PTPRK: variants seen among roughly 807,000 people sequenced by gnomAD.
PTPRK encodes receptor-type tyrosine-protein phosphatase kappa.
PTPRK carries 75 observed loss-of-function variants against 178.0 expected under a neutral mutation model. The ratio of observed to expected loss-of-function variants is 0.42; its 90% CI spans 0.35 to 0.51. PTPRK has a LOEUF of 0.51. Ranked by LOEUF, PTPRK falls within the 20% of genes least tolerant of loss-of-function variation. PTPRK has a pLI of 0.02. For synonymous variants in PTPRK, 637 were observed against 620.6 expected (o/e 1.03, Z -0.39); for missense variants, 1,441 against 1,797.8 (o/e 0.80, Z 3.59).
chr6:128,108,099 C>CAT, intron 7 of PTPRK, among the ~76,000 whole-genome samples: 1 of 151,704 alleles, frequency 6.6e-6, no homozygotes, highest in Admixed American at 6.6e-5. Context: ...CACACACACA[C>CAT]ACACACACAC....
chr6:127,984,795 G>A (rs1775749968), intron 22 of PTPRK, among the ~76,000 whole-genome samples: 4 of 152,090 alleles, frequency 2.6e-5, no homozygotes, highest in African/African-American at 7.2e-5. Flanking sequence ...TCCCAGAGTT[G>A]GAGACAGGAA....
chr6:128,104,315 C>T (rs528571916), intron 7 of PTPRK, among the ~76,000 whole-genome samples: 149 of 152,294 alleles, frequency 9.8e-4, no homozygotes, highest in African/African-American at 3.4e-3. Context: ...CAAGCTCCAC[C>T]TCCCAGGTTC....
chr6:128,036,300 T>G (rs1415351528), intron 13 of PTPRK, among the ~76,000 whole-genome samples: 1 of 152,162 alleles, frequency 6.6e-6, no homozygotes, highest in Non-Finnish European at 1.5e-5. Flanking sequence ...CCAGGAGATG[T>G]TTTAGAGACA....
intron 6 of PTPRK, among the ~76,000 whole-genome samples, chr6:128,195,867 T>C (rs1393842897): frequency 6.6e-6 from 1 of 152,118 alleles, no homozygotes; most frequent in Non-Finnish European, 1.5e-5. Flanking sequence ...TCTCAATATA[T>C]ATTTATTCAG....
intron 1 of PTPRK, among the ~76,000 whole-genome samples, chr6:128,469,317 C>T (rs1850304823): frequency 6.6e-6 from 1 of 152,168 alleles, no homozygotes; most frequent in African/African-American, 2.4e-5. Context: ...AGAGAGCATG[C>T]TTGATGCACT....
At chr6:128,231,154 C>A (rs1437747308) in intron 5 of PTPRK, among the ~76,000 whole-genome samples, 3 of 152,096 alleles carry the variant, frequency 2.0e-5, no homozygotes, top group African/African-American at 7.2e-5. Flanking sequence ...ACCTTATAAT[C>A]CATGATATGA....
intron 11 of PTPRK, among the ~76,000 whole-genome samples, chr6:128,078,156 G>A (rs9482874): frequency 0.011 from 1,614 of 152,036 alleles, 29 homozygotes; most frequent in African/African-American, 0.036. Flanking sequence ...TGGGACTAGA[G>A]GGGGGAAAAA....
At chr6:128,260,687 T>C (rs574372529) in intron 3 of PTPRK, among the ~76,000 whole-genome samples, 86 of 152,290 alleles carry the variant, frequency 5.6e-4, no homozygotes, top group African/African-American at 1.8e-3. Flanking sequence ...ACAACAAATT[T>C]GGAAGCAGGG....
At chr6:128,263,661 T>C (rs1487755282) in intron 3 of PTPRK, among the ~76,000 whole-genome samples, 1 of 152,198 alleles carries the variant, frequency 6.6e-6, no homozygotes, top group Admixed American at 6.5e-5. Flanking sequence ...ATCACTTACA[T>C]AATATAATTA....
chr6:128,474,460 C>T (rs138255300), intron 1 of PTPRK, among the ~76,000 whole-genome samples: 1 of 151,986 alleles, frequency 6.6e-6, no homozygotes, highest in Non-Finnish European at 1.5e-5. Flanking sequence ...AAAATAAATG[C>T]TTAGAACAAG....
intron 7 of PTPRK, among the ~76,000 whole-genome samples, chr6:128,155,877 C>G (rs761588431): frequency 6.6e-6 from 1 of 151,646 alleles, no homozygotes; most frequent in South Asian, 2.1e-4. Flanking sequence ...CAAAGAGTCA[C>G]AAAAGTTTGG....
intron 15 of PTPRK, among the ~76,000 whole-genome samples, chr6:127,999,175 C>T (rs866078059): frequency 6.6e-6 from 1 of 151,906 alleles, no homozygotes; most frequent in African/African-American, 2.4e-5. Flanking sequence ...AAAGCTTAAG[C>T]GGGAAATTTT....
intron 2 of PTPRK, among the ~76,000 whole-genome samples, chr6:128,332,488 G>C (rs1027796190): frequency 1.3e-5 from 2 of 152,218 alleles, no homozygotes; most frequent in Non-Finnish European, 1.5e-5. Context: ...CCTCCATGAT[G>C]TGCGAAGGCA....
intron 3 of PTPRK, among the ~76,000 whole-genome samples, chr6:128,293,378 G>A (rs892607379): frequency 1.3e-5 from 2 of 151,878 alleles, no homozygotes; most frequent in African/African-American, 4.8e-5. Flanking sequence ...ATGGTGAGTG[G>A]CAAAACAAAA....
chr6:128,447,993 C>A, intron 1 of PTPRK, among the ~76,000 whole-genome samples: 1 of 152,030 alleles, frequency 6.6e-6, no homozygotes, highest in African/African-American at 2.4e-5. Context: ...AATATTGGGG[C>A]CAAATAAACA....
intron 25 of PTPRK, among the ~76,000 whole-genome samples, chr6:127,978,947 C>T (rs1460638668): frequency 6.6e-6 from 1 of 152,176 alleles, no homozygotes; most frequent in African/African-American, 2.4e-5. Flanking sequence ...TCCAACGGTT[C>T]ATTTGCACTA....
chr6:128,476,655 ACT>A (rs1414145440), intron 1 of PTPRK, among the ~76,000 whole-genome samples: 2 of 151,726 alleles, frequency 1.3e-5, no homozygotes, highest in African/African-American at 2.4e-5. Context: ...TTATTTCAAC[ACT>A]CTTTTTACTG....
chr6:128,063,911 C>T (rs1781304270), intron 13 of PTPRK, among the ~76,000 whole-genome samples: 1 of 152,058 alleles, frequency 6.6e-6, no homozygotes, highest in Admixed American at 6.6e-5. Flanking sequence ...TTGATTTTTA[C>T]CCCAAATGAA....
intron 7 of PTPRK, among the ~76,000 whole-genome samples, chr6:128,129,009 T>C (rs919298310): frequency 6.6e-6 from 1 of 152,224 alleles, no homozygotes; most frequent in Non-Finnish European, 1.5e-5. Flanking sequence ...AACAGGCCTA[T>C]TGATTTCATC....
Sources: gnomAD v4.1 joint callset for allele counts (sites outside exome capture counted in the v4.1 genomes callset) on GRCh38, gnomAD v4.1.1 for gene constraint, MANE v1.5 for transcripts, NCBI Gene and HGNC (gene_info 2026-07-23, HGNC 2026-07-21) for gene names.